The following TRIO variants were observed in gnomAD, a reference collection of about 807,000 sequenced individuals.
The protein encoded by TRIO is triple functional domain protein.
A neutral mutation model predicts 351.9 loss-of-function variants in TRIO; 58 were observed. That is an observed-to-expected ratio of 0.16 (90% CI 0.13 to 0.21). The LOEUF (loss-of-function observed/expected upper bound fraction) is 0.21. Ranked by LOEUF, TRIO falls within the 10% of genes least tolerant of loss-of-function variation. The pLI, the probability that TRIO is intolerant of heterozygous loss-of-function variation, is 1.00. For missense variants in TRIO, 3,201 were observed against 4,027.8 expected (o/e 0.79, Z 5.56); for synonymous variants, 1,758 against 1,595.7 (o/e 1.10, Z -2.42).
intron 3 of TRIO, among the ~76,000 whole-genome samples, chr5:14,283,965 T>G (rs1001962142): frequency 6.6e-6 from 1 of 152,178 alleles, no homozygotes; most frequent in Non-Finnish European, 1.5e-5. Flanking sequence ...CTGTATTTAA[T>G]ACTAATTATG....
chr5:14,489,069 C>T (rs752063203), intron 48 of TRIO: 57 of 765,106 alleles, frequency 7.4e-5, no homozygotes, highest in East Asian at 5.1e-4. Flanking sequence ...TGAAGGCATG[C>T]GTGAGTGAAT....
Position 14,497,055 on chromosome 5 carries a change from G to T in TRIO, c.8019+38G>T. 6.2e-7 allele frequency: 1 copy of T among 1,609,140 alleles called. No homozygotes were observed. The highest frequency in any genetic ancestry group is 1.1e-5 in the South Asian group (1 of 90,506). On this transcript the variant is annotated intron_variant, in intron 50 of 56. Coordinates refer to ENST00000344204, the MANE Select transcript of TRIO (RefSeq NM_007118.4). This position sits in a 1 kb window ranked among gnomAD's most constrained non-coding sequence, Gnocchi z 4.4. ...GTCTTCAGGAGTCCGTGTCATCCCA[G>T]CATGAGAGAAAGGATCAGGGAGGGC...
intron 11 of TRIO, among the ~76,000 whole-genome samples, chr5:14,357,376 C>T (rs1303166828): frequency 6.6e-6 from 1 of 152,184 alleles, no homozygotes; most frequent in Non-Finnish European, 1.5e-5. Context: ...AATTAATTGT[C>T]TTTTTCAGTT....
Position 14,477,960 on chromosome 5 carries a change from C to A in TRIO, c.6153+997C>A, listed in dbSNP as rs558684244. Among the ~76,000 whole-genome samples the A allele has an allele frequency of 7.9e-5, 12 of 152,314 alleles. No homozygotes were observed. The East Asian group carries it at 2.3e-3, about 29-fold the overall frequency. On this transcript the variant is annotated intron_variant, in intron 41 of 56. Coordinates refer to ENST00000344204, the MANE Select transcript of TRIO (RefSeq NM_007118.4). ...GCTTGAAAGCTGTAATTTTCACTAA[C>A]AAACACTGCCAGTTGTTTGCCTTGA...
rs543264805 is a variant in TRIO at position 14,253,863 on chromosome 5, C to A, written c.158-16962C>A. 1.2e-4 allele frequency among the ~76,000 whole-genome samples: 18 copies of A among 152,286 alleles called. No homozygotes were observed. In the South Asian group the frequency reaches 3.7e-3, roughly 32 times the overall value. On this transcript the variant is annotated intron_variant, in intron 1 of 56. Coordinates refer to ENST00000344204, the MANE Select transcript of TRIO (RefSeq NM_007118.4). ...CTTCCAGAGGCTACCTGACATGTGA[C>A]ATCACAACAGATTAAAGACAGAAAC...
chr5:14,340,728 C>T (rs1741868982), intron 11 of TRIO, among the ~76,000 whole-genome samples: 1 of 152,184 alleles, frequency 6.6e-6, no homozygotes, highest in African/African-American at 2.4e-5. Flanking sequence ...TGCCGGAAGT[C>T]TTGTTGAAGA....
intron 1 of TRIO, among the ~76,000 whole-genome samples, chr5:14,268,382 C>T (rs893802194): frequency 2.0e-5 from 3 of 152,192 alleles, no homozygotes; most frequent in Admixed American, 6.5e-5. Flanking sequence ...AATGATGACT[C>T]AGGTCACACA....
chr5:14,319,892 G>A (rs932266919), intron 9 of TRIO, among the ~76,000 whole-genome samples: 5 of 152,168 alleles, frequency 3.3e-5, no homozygotes, highest in Non-Finnish European at 4.4e-5. Flanking sequence ...ATAAGCGGGG[G>A]CCAATTCATA....
At chr5:14,150,473 A>G (rs1427501015) in intron 1 of TRIO, among the ~76,000 whole-genome samples, 1 of 152,206 alleles carries the variant, frequency 6.6e-6, no homozygotes, top group Admixed American at 6.5e-5. Flanking sequence ...AAAATGTGAC[A>G]TTAAAAAAAG....
chr5:14,296,210 T>A (rs1481973226), intron 6 of TRIO, among the ~76,000 whole-genome samples: 2 of 151,970 alleles, frequency 1.3e-5, no homozygotes, highest in Non-Finnish European at 2.9e-5. Flanking sequence ...CAAAGAGGTA[T>A]CTACGATTTT....
chr5:14,258,308 G>A (rs1189368973), intron 1 of TRIO, among the ~76,000 whole-genome samples: 1 of 152,196 alleles, frequency 6.6e-6, no homozygotes, highest in African/African-American at 2.4e-5. Context: ...AGCTCCTGGG[G>A]CAGCAGGCAC....
In TRIO at chr5:14,479,002, G is replaced by GGT. The variant is rs147674612; in HGVS notation, c.6154-256_6154-255dup. On this transcript the variant is annotated intron_variant, in intron 41 of 56. Coordinates refer to ENST00000344204, the MANE Select transcript of TRIO (RefSeq NM_007118.4). ...AAAAAAATGTTCTTTTGCTACCTAT[G>GGT]GTGTTTGTTGGTATTTGGTACTGTA... Among the ~76,000 whole-genome samples the GGT allele has an allele frequency of 0.026, 3,996 of 152,126 alleles. 175 individuals are homozygous for GGT. The highest frequency in any genetic ancestry group is 0.092 in the African/African-American group (3,809 of 41,452).
chr5:14,259,565 G>T (rs1373802256), intron 1 of TRIO, among the ~76,000 whole-genome samples: 2 of 152,104 alleles, frequency 1.3e-5, no homozygotes, highest in Non-Finnish European at 2.9e-5. Flanking sequence ...GAGGGTGTAG[G>T]GCAGGACAGC....
Position 14,461,110 on chromosome 5 carries a change from C to T in TRIO, c.5295C>T (p.Gly1765=). 1.9e-6 allele frequency: 3 copies of T among 1,559,316 alleles called. No homozygotes were observed. The highest frequency in any genetic ancestry group is 2.4e-5 in the South Asian group (2 of 84,614). Residue 1765 remains glycine, a synonymous_variant, in exon 35 of 57, where the codon GGC becomes GGT. Coordinates refer to ENST00000344204, the MANE Select transcript of TRIO (RefSeq NM_007118.4). ...TGATCGGGGCCCAGAGCTCGCCGGG[C>T]CCCAAGCGGCCGGGCAACACCCTGC... ...PHMIGAQSSP[G]PKRPGNTLRK...
chr5:14,251,702 C>T (rs1356367239), intron 1 of TRIO, among the ~76,000 whole-genome samples: 2 of 152,156 alleles, frequency 1.3e-5, no homozygotes, highest in Admixed American at 6.5e-5. Flanking sequence ...TTGCTCACCT[C>T]GAAGCTACCC....
intron 11 of TRIO, among the ~76,000 whole-genome samples, chr5:14,349,378 G>A (rs1468925371): frequency 3.9e-5 from 6 of 152,222 alleles, no homozygotes; most frequent in Non-Finnish European, 7.3e-5. Flanking sequence ...ATGTGAGCAT[G>A]TGTGTGTTTT....
Position 14,488,018 on chromosome 5 carries a change from G to T in TRIO, c.7390G>T (p.Ala2464Ser), listed in dbSNP as rs775534455. ...ASPLNSPLSSAVPSLGKEPFP... is the reference protein window; with the variant it reads ...ASPLNSPLSSSVPSLGKEPFP... ...GCCGCTGAACTCGCCGCTCTCCAGCGCGGTCCCTTCTCTCGGCAAGGAGCC... is the reference window on the plus strand; with the variant it reads ...GCCGCTGAACTCGCCGCTCTCCAGCTCGGTCCCTTCTCTCGGCAAGGAGCC... The change falls in exon 48 of 57, where the codon GCG becomes TCG. Residue 2464 changes from alanine to serine, a missense_variant. Physicochemically the swap from Ala to Ser is moderately conservative, Grantham distance 99. Around this residue, in one of 19 missense-constraint regions of TRIO, gnomAD observed 1,089 missense variants for 954.9 expected, o/e 1.14. Transcript: ENST00000344204. 2 of 1,592,596 alleles carry T rather than the reference G, an allele frequency of 1.3e-6. No individual in the cohort carries two copies. The highest frequency in any genetic ancestry group is 3.4e-5 in the Admixed American group (2 of 58,236).
intron 1 of TRIO, among the ~76,000 whole-genome samples, chr5:14,249,714 G>C (rs1794631395): frequency 6.6e-6 from 1 of 152,148 alleles, no homozygotes; most frequent in African/African-American, 2.4e-5. Context: ...ATAGAATTAT[G>C]TAAAAATGAG....
intron 31 of TRIO, among the ~76,000 whole-genome samples, chr5:14,404,025 AGGTTGT>A (rs1337722506): frequency 2.1e-4 from 24 of 112,570 alleles, no homozygotes; most frequent in African/African-American, 8.5e-4. Context: ...GTGAGGGTGT[AGGTTGT>A]GGTGGTGAGG....
Sources: allele counts gnomAD v4.1 joint callset (sites outside exome capture counted in the v4.1 genomes callset), GRCh38; gene constraint gnomAD v4.1.1; regional missense constraint gnomAD v4.1.1; non-coding constraint Gnocchi (gnomAD v3.1); transcripts MANE v1.5; gene names NCBI Gene and HGNC (gene_info 2026-07-23, HGNC 2026-07-21).